F11: variants seen among roughly 807,000 people sequenced by gnomAD.
F11 encodes coagualtion factor XI.
F11 carries 78 observed loss-of-function variants against 76.5 expected under a neutral mutation model. The ratio of observed to expected loss-of-function variants is 1.02; its 90% CI spans 0.85 to 1.23. The LOEUF is 1.23. Ranked by LOEUF, F11 falls within the 50% of genes most tolerant of loss-of-function variation. F11 has a pLI of 0.00. For synonymous variants in F11, 278 were observed against 276.3 expected (o/e 1.01, Z -0.06); for missense variants, 742 against 771.4 (o/e 0.96, Z 0.45).
chr4:186,277,214 T>C (rs1323759622), intron 7 of F11, among the ~76,000 whole-genome samples: 2 of 152,230 alleles, frequency 1.3e-5, no homozygotes, highest in African/African-American at 2.4e-5. Flanking sequence ...GTTCTATCCA[T>C]GTTGCTGCAA....
At chr4:186,285,007 T>C (rs1741077534) in intron 11 of F11, among the ~76,000 whole-genome samples, 1 of 152,132 alleles carries the variant, frequency 6.6e-6, no homozygotes, top group Non-Finnish European at 1.5e-5. Context: ...TTGGATTCCT[T>C]ACTTAGGTCA....
chr4:186,287,787 T>A lies in F11; in HGVS notation c.1680T>A (p.Cys560Ter). The A allele has an allele frequency of 6.2e-7, 1 of 1,613,454 alleles. No homozygotes were observed. The highest frequency in any genetic ancestry group is 8.5e-7 in the Non-Finnish European group (1 of 1,179,654). Reference sequence around the variant, plus strand: ...ATAAAATAACCCATAAGATGATCTGTGCCGGCTACAGGGAAGGAGGGAAGG... The same window carrying A: ...ATAAAATAACCCATAAGATGATCTGAGCCGGCTACAGGGAAGGAGGGAAGG... ...RGHKITHKMI[C>*]AGYREGGKDA... The change falls in exon 14 of 15, where the codon TGT becomes TGA. Residue 560 changes from cysteine (C) to a stop codon, truncating the protein, a stop_gained. Coordinates refer to ENST00000403665, the MANE Select transcript of F11 (RefSeq NM_000128.4). LOFTEE classifies it high-confidence loss of function.
At chr4:186,281,421 G>T (rs1740798011) in intron 10 of F11, among the ~76,000 whole-genome samples, 2 of 152,164 alleles carry the variant, frequency 1.3e-5, no homozygotes, top group African/African-American at 4.8e-5. Flanking sequence ...AACAATGAGT[G>T]TGGTAGGATG....
Position 186,280,379 on chromosome 4 carries a change from A to G in F11, c.1022A>G (p.Glu341Gly). The stretch of plus-strand genomic sequence containing the variant: ...ACCCCAGCCCAAGCATCCTGCAACG[A>G]AGGGAAGTAAGCCATATGAAGGGTT... ...TYTPAQASCN[E>G]GKGKCYLKLS... is the part of the protein sequence containing the mutation. Residue 341 changes from glutamate (E) to glycine (G), a missense_variant, in exon 9 of 15, where the codon GAA becomes GGA. Coordinates refer to ENST00000403665, the MANE Select transcript of F11 (RefSeq NM_000128.4). 6.2e-7 allele frequency: 1 copy of G among 1,614,148 alleles called. No individual in the cohort carries two copies. The highest frequency in any genetic ancestry group is 8.5e-7 in the Non-Finnish European group (1 of 1,180,026).
intron 10 of F11, chr4:186,282,497 T>C (rs1016295366): frequency 3.0e-6 from 3 of 985,366 alleles, no homozygotes; most frequent in Non-Finnish European, 3.6e-6. Flanking sequence ...TGAAGATAGA[T>C]AGCAGCACCA....
At position 186,274,156 on chromosome 4, in the gene F11, C is replaced by T; in HGVS notation, c.366C>T (p.Gly122=). 1.2e-6 allele frequency: 2 copies of T among 1,614,108 alleles called. No individual in the cohort carries two copies. The highest frequency in any genetic ancestry group is 2.2e-5 in the South Asian group (2 of 91,068). ...KDIYVDLDMK[G]INYNSSVAKS... ...TTTATGTGGACCTAGACATGAAGGG[C>T]ATAAACTATAACAGCTCAGTTGCCA... Residue 122 remains glycine (G), a synonymous_variant, in exon 5 of 15, where the codon GGC becomes GGT. Transcript: ENST00000403665.
chr4:186,284,108 C>G lies in F11; in HGVS notation c.1152C>G (p.Ile384Met), dbSNP rs940304378. The G allele has an allele frequency of 1.2e-6, 2 of 1,614,088 alleles. No homozygotes were observed. The highest frequency in any genetic ancestry group is 2.7e-5 in the African/African-American group (2 of 74,936). ...CTGTTGCAGAGTGTACCACCAAAAT[C>G]AAGCCCAGGATCGTTGGAGGAACTG... ...CKMDNECTTK[I>M]KPRIVGGTAS... The change falls in exon 11 of 15, where the codon ATC becomes ATG. Residue 384 changes from isoleucine (I) to methionine (M), a missense_variant. Coordinates refer to ENST00000403665, the MANE Select transcript of F11 (RefSeq NM_000128.4).
At position 186,275,816 on chromosome 4, in the gene F11, C is replaced by A. The variant is rs1266418898; in HGVS notation, c.515C>A (p.Thr172Lys). ...RNICLLKHTQ[T>K]GTPTRITKLD... ...ATTTGTCTACTGAAGCACACCCAAACAGGGACACCAACCAGAATAACGAAG... is the reference window on the plus strand; with the variant it reads ...ATTTGTCTACTGAAGCACACCCAAAAAGGGACACCAACCAGAATAACGAAG... The change falls in exon 6 of 15, where the codon ACA (threonine) becomes AAA (lysine). Residue 172 changes from threonine to lysine, a missense_variant. Physicochemically the swap from Thr to Lys is moderately conservative, Grantham distance 78 (BLOSUM62 -1). Coordinates refer to ENST00000403665, the MANE Select transcript of F11 (RefSeq NM_000128.4). 8 of 1,613,456 alleles carry A rather than the reference C, an allele frequency of 5.0e-6. No individual in the cohort carries two copies. Among genetic ancestry groups the A allele is most frequent in the Non-Finnish European group, 5.9e-6 (7 of 1,179,648 alleles).
At chr4:186,285,524 A>AT in intron 11 of F11, 114 bp from the exon 12 acceptor site, 1 of 1,091,140 alleles carries the variant, frequency 9.2e-7, no homozygotes, top group Non-Finnish European at 1.4e-6. Context: ...TTCTACCTAA[A>AT]TGTCCATCAT....
intron 5 of F11, chr4:186,275,013 T>G: frequency 3.9e-6 from 1 of 257,316 alleles, no homozygotes; most frequent in South Asian, 4.1e-5. Flanking sequence ...CATCAACGAG[T>G]TATTTCAAAA....
In F11 at chr4:186,285,744, C is replaced by A; in HGVS notation, c.1411C>A (p.Gln471Lys). 3 of 1,614,074 alleles carry A rather than the reference C, an allele frequency of 1.9e-6. No homozygotes were observed. Among genetic ancestry groups the A allele is most frequent in the Non-Finnish European group, 2.5e-6 (3 of 1,179,966 alleles). Residue 471 changes from glutamine (Q) to lysine (K), a missense_variant, in exon 12 of 15, where the codon CAG becomes AAG. Coordinates refer to ENST00000403665, the MANE Select transcript of F11 (RefSeq NM_000128.4). Reference protein sequence around the residue: ...FGVQEIIIHDQYKMAESGYDI... With the variant: ...FGVQEIIIHDKYKMAESGYDI... ...GGTTCAAGAAATAATAATCCATGAT[C>A]AGTATAAAATGGCAGAAAGCGGGTA...
intron 14 of F11, among the ~76,000 whole-genome samples, chr4:186,288,211 C>T (rs749494734): frequency 2.0e-5 from 3 of 152,078 alleles, no homozygotes; most frequent in Non-Finnish European, 4.4e-5. Context: ...CGCGCCGGGC[C>T]GCTTAATGCA....
intron 4 of F11, 42 bp downstream of exon 4, chr4:186,273,219 T>A (rs756497558): frequency 7.0e-7 from 1 of 1,425,808 alleles, no homozygotes; most frequent in African/African-American, 1.4e-5. Flanking sequence ...AGCTGTGATG[T>A]ACACATATCG....
At chr4:186,282,452 T>G in intron 10 of F11, 1 of 985,438 alleles carries the variant, frequency 1.0e-6, no homozygotes, top group Non-Finnish European at 1.2e-6. Context: ...TATGGTGCCT[T>G]GTCTGTCACT....
Position 186,289,036 on chromosome 4 carries a change from A to G in F11, c.*422A>G. On this transcript the variant is annotated 3_prime_UTR_variant, in exon 15 of 15. Transcript: ENST00000403665. ...AAGGAGAACAAAGACAGTCTTCACC[A>G]TTTTGCAGGAATCTACACTCTGCCT... The G allele has an allele frequency of 5.3e-6, 1 of 187,430 alleles. No individual in the cohort carries two copies. The allele number at this position is 187,430 out of a possible 1,614,324, so 11.6% of individuals were successfully genotyped here. A position where few individuals can be genotyped will look rare whatever the true frequency, so the allele number is the denominator to read the frequency against.
At chr4:186,271,289 A>G (rs983004953) in intron 2 of F11, among the ~76,000 whole-genome samples, 17 of 152,208 alleles carry the variant, frequency 1.1e-4, no homozygotes, top group African/African-American at 3.9e-4. Flanking sequence ...CCAGACCTGG[A>G]TGAGATCCTA....
intron 2 of F11, among the ~76,000 whole-genome samples, chr4:186,269,572 A>G (rs4253826): frequency 0.011 from 1,683 of 152,282 alleles, 41 homozygotes; most frequent in African/African-American, 0.039. Context: ...GGAAATTAGA[A>G]CAGAGGTTGC....
At chr4:186,268,891 A>G (rs1459969137) in intron 2 of F11, among the ~76,000 whole-genome samples, 1 of 152,212 alleles carries the variant, frequency 6.6e-6, no homozygotes, top group African/African-American at 2.4e-5. Context: ...AGAGAATAGC[A>G]ACTTAAGTGC....
At chr4:186,275,693 G>A in intron 5 of F11, 94 bp from the exon 6 acceptor site, 2 of 898,196 alleles carry the variant, frequency 2.2e-6, no homozygotes, top group Non-Finnish European at 1.8e-6. Context: ...GGTCTCGCAG[G>A]TCCTCTCTCC....
Sources: allele counts gnomAD v4.1 joint callset (sites outside exome capture counted in the v4.1 genomes callset), GRCh38; gene constraint gnomAD v4.1.1; transcripts MANE v1.5; gene names NCBI Gene and HGNC (gene_info 2026-07-23, HGNC 2026-07-21).